Variants in AGO2 observed in about 807,000 individuals in gnomAD.
AGO2 encodes the protein protein argonaute-2.
A neutral mutation model predicts 102.3 loss-of-function variants in AGO2; 5 were observed. That is an observed-to-expected ratio of 0.05 (90% CI 0.03 to 0.10). The LOEUF (loss-of-function observed/expected upper bound fraction) is 0.10. AGO2 is among the 10% of genes least tolerant of loss of function. The pLI, the probability that AGO2 is intolerant of heterozygous loss-of-function variation, is 1.00. For missense variants in AGO2, 541 were observed against 1,183.7 expected, an observed-to-expected ratio of 0.46 and a Z score of 7.97; for synonymous variants, 449 against 473.1, an observed-to-expected ratio of 0.95 and a Z score of 0.66.
chr8:140,604,294 C>T (rs999070747), intron 1 of AGO2, among the ~76,000 whole-genome samples: 3 of 152,242 alleles, frequency 2.0e-5, no homozygotes, highest in Non-Finnish European at 4.4e-5. Context: ...GCTGGGAGTT[C>T]ATGTTCAAGA....
Position 140,531,978 on chromosome 8 carries a change from G to C in AGO2, c.*66C>G. 7.2e-7 allele frequency: 1 copy of C among 1,388,838 alleles called. No individual in the cohort carries two copies. The allele number at this position is 1,388,838 out of a possible 1,614,324, so 86.0% of individuals were successfully genotyped here. A position where few individuals can be genotyped will look rare whatever the true frequency, so the allele number is the denominator to read the frequency against. On this transcript the variant is annotated 3_prime_UTR_variant, in exon 19 of 19. Coordinates refer to ENST00000220592, the MANE Select transcript of AGO2 (RefSeq NM_012154.5). Reference sequence around the variant, plus strand: ...GCTGTCACGGAAGGGCTGGCCATCTGTTGGTCTGAGTGTAGCTGGTCTCGT... The same window carrying C: ...GCTGTCACGGAAGGGCTGGCCATCTCTTGGTCTGAGTGTAGCTGGTCTCGT...
intron 10 of AGO2, 24 bp downstream of exon 10, chr8:140,555,872 C>T (rs751408838): frequency 1.4e-5 from 23 of 1,606,892 alleles, no homozygotes; most frequent in East Asian, 1.1e-4. Context: ...CGCAGCCACA[C>T]GTTCCCCGCC....
At chr8:140,576,957 C>G (rs1041184673) in intron 2 of AGO2, among the ~76,000 whole-genome samples, 1 of 152,126 alleles carries the variant, frequency 6.6e-6, no homozygotes, top group African/African-American at 2.4e-5. Flanking sequence ...CCTGTAATCC[C>G]AACACTTTGG....
intron 1 of AGO2, among the ~76,000 whole-genome samples, chr8:140,615,705 C>T (rs975826675): frequency 3.9e-5 from 6 of 152,284 alleles, no homozygotes; most frequent in Admixed American, 2.6e-4. Context: ...TTTTGCTTTT[C>T]GGAACCGGAC....
At chr8:140,585,939 TG>T (rs776591138) in intron 1 of AGO2, among the ~76,000 whole-genome samples, 20 of 152,230 alleles carry the variant, frequency 1.3e-4, no homozygotes, top group Non-Finnish European at 2.6e-4. Flanking sequence ...ACTGTATTTC[TG>T]ACCTAGAAAA....
intron 5 of AGO2, 125 bp downstream of exon 5, chr8:140,560,249 A>T (rs1347671399): frequency 7.2e-7 from 1 of 1,396,060 alleles, no homozygotes; most frequent in East Asian, 2.3e-5. Context: ...GGTGTCACGC[A>T]GCGGCGCTGG....
intron 12 of AGO2, among the ~76,000 whole-genome samples, chr8:140,547,971 GGA>G (rs1372008119): frequency 1.3e-5 from 2 of 152,222 alleles, no homozygotes; most frequent in Non-Finnish European, 2.9e-5. Flanking sequence ...CCCCAGGGCA[GGA>G]GAGAAAGAGC....
chr8:140,619,254 T>C (rs1161365806), intron 1 of AGO2, among the ~76,000 whole-genome samples: 2 of 152,216 alleles, frequency 1.3e-5, no homozygotes, highest in African/African-American at 4.8e-5. Context: ...GCAAGTCTAA[T>C]ATTCACGGGC....
intron 11 of AGO2, among the ~76,000 whole-genome samples, chr8:140,550,883 A>C (rs1040826779): frequency 2.0e-4 from 31 of 152,186 alleles, no homozygotes; most frequent in Admixed American, 1.0e-3. Flanking sequence ...GGCATGAGCC[A>C]CTGTGCCCGA....
intron 1 of AGO2, among the ~76,000 whole-genome samples, chr8:140,612,448 A>G (rs998341939): frequency 6.6e-6 from 1 of 152,048 alleles, no homozygotes; most frequent in Non-Finnish European, 1.5e-5. Context: ...CGGATTCTAC[A>G]CTGCACCTGA....
At chr8:140,606,805 C>T (rs1382255108) in intron 1 of AGO2, among the ~76,000 whole-genome samples, 2 of 149,142 alleles carry the variant, frequency 1.3e-5, no homozygotes, top group African/African-American at 2.5e-5. Flanking sequence ...GTCGTGGTGG[C>T]GTGTGCCTGT....
At chr8:140,618,818 A>AT (rs1417786113) in intron 1 of AGO2, among the ~76,000 whole-genome samples, 1 of 152,016 alleles carries the variant, frequency 6.6e-6, no homozygotes, top group Non-Finnish European at 1.5e-5. Context: ...CTTGTCTCAA[A>AT]AAAAAAAGAA....
intron 17 of AGO2, among the ~76,000 whole-genome samples, chr8:140,533,897 GC>G (rs1433747433): frequency 6.6e-6 from 1 of 152,142 alleles, no homozygotes; most frequent in African/African-American, 2.4e-5. Context: ...CACACCTCCT[GC>G]GGTTGGAGAT....
intron 4 of AGO2, among the ~76,000 whole-genome samples, chr8:140,560,888 G>A (rs2073187707): frequency 6.6e-6 from 1 of 152,240 alleles, no homozygotes; most frequent in Non-Finnish European, 1.5e-5. Context: ...CCCAAGCGCA[G>A]ATAGAATTGG....
At chr8:140,563,654 T>C (rs575542508) in intron 3 of AGO2, among the ~76,000 whole-genome samples, 150 of 152,330 alleles carry the variant, frequency 9.8e-4, no homozygotes, top group African/African-American at 3.4e-3. Flanking sequence ...TCCCACTCCA[T>C]GTGTGATGCC....
rs1424422551 is a variant in AGO2 at position 140,539,881 on chromosome 8, G to A, written c.2035-427C>T. Among the ~76,000 whole-genome samples the A allele has an allele frequency of 1.3e-5, 2 of 152,180 alleles. No individual in the cohort carries two copies. The highest frequency in any genetic ancestry group is 2.9e-5 in the Non-Finnish European group (2 of 68,028). ...AGTTGGGCGGATCACAAGATCAAGA[G>A]ATCGAGATCATCCTGGCCAACATGG... On this transcript the variant is annotated intron_variant, in intron 15 of 18. Coordinates refer to ENST00000220592, the MANE Select transcript of AGO2 (RefSeq NM_012154.5). The surrounding 1 kb of genome is among the most constrained non-coding windows in gnomAD (Gnocchi z 4.7).
chr8:140,595,962 T>C (rs1270312978), intron 1 of AGO2, among the ~76,000 whole-genome samples: 2 of 127,566 alleles, frequency 1.6e-5, no homozygotes, highest in African/African-American at 5.9e-5. Flanking sequence ...ATATAATATA[T>C]ATAAATTATA....
At chr8:140,562,666 C>T in intron 3 of AGO2, 32 bp from the exon 4 acceptor site, 1 of 1,599,830 alleles carries the variant, frequency 6.3e-7, no homozygotes, top group South Asian at 1.1e-5. Context: ...AAGGTTACTC[C>T]CTCCTGCGAA....
intron 1 of AGO2, among the ~76,000 whole-genome samples, chr8:140,629,352 C>A (rs1023292263): frequency 3.9e-5 from 6 of 151,948 alleles, no homozygotes; most frequent in African/African-American, 9.7e-5. Flanking sequence ...TCAGCGCAGG[C>A]GCCCGTGCCC....
Sources: allele counts gnomAD v4.1 joint callset (sites outside exome capture counted in the v4.1 genomes callset), GRCh38; gene constraint gnomAD v4.1.1; non-coding constraint Gnocchi (gnomAD v3.1); transcripts MANE v1.5; gene names NCBI Gene and HGNC (gene_info 2026-07-23, HGNC 2026-07-21).